Variants in ZNF569 observed in about 807,000 individuals in gnomAD.
ZNF569 encodes DNA-binding protein.
ZNF569 carries 38 observed loss-of-function variants against 56.3 expected under a neutral mutation model. That is an observed-to-expected ratio of 0.68 (90% CI 0.52 to 0.88). The LOEUF is 0.88. Ranked by LOEUF, ZNF569 falls within the 40% of genes least tolerant of loss-of-function variation. The pLI is 0.00. For missense variants in ZNF569, 666 were observed against 809.2 expected, an observed-to-expected ratio of 0.82 and a Z score of 2.15; for synonymous variants, 241 against 262.9, an observed-to-expected ratio of 0.92 and a Z score of 0.81.
chr19:37,415,714 CAA>C (rs34061624), intron 5 of ZNF569, among the ~76,000 whole-genome samples: 29,786 of 125,754 alleles, frequency 0.24, 3,263 homozygotes, highest in South Asian at 0.36. Flanking sequence ...ACTAAAAATA[CAA>C]AAAAAAAAAA....
intron 2 of ZNF569, among the ~76,000 whole-genome samples, chr19:37,452,350 A>G (rs2146958622): frequency 6.6e-6 from 1 of 152,332 alleles, no homozygotes; most frequent in African/African-American, 2.4e-5. Context: ...CCATTATGGT[A>G]ATGCAGTATT....
intron 5 of ZNF569, 140 bp downstream of exon 5, chr19:37,425,728 G>A (rs2041119952): frequency 7.5e-6 from 5 of 669,074 alleles, no homozygotes; most frequent in African/African-American, 1.8e-5. Context: ...GCTTCCCAAA[G>A]TGCTGGGACT....
At chr19:37,460,666 G>A (rs981640856) in intron 2 of ZNF569, among the ~76,000 whole-genome samples, 1 of 151,878 alleles carries the variant, frequency 6.6e-6, no homozygotes, top group African/African-American at 2.4e-5. Flanking sequence ...TGAGGCAGAA[G>A]TTTGCTTGAA....
chr19:37,435,057 G>A (rs959176741), intron 3 of ZNF569, among the ~76,000 whole-genome samples: 1 of 152,070 alleles, frequency 6.6e-6, no homozygotes, highest in African/African-American at 2.4e-5. Context: ...CCTGGGAGGC[G>A]GAGGTTGCAG....
intron 2 of ZNF569, among the ~76,000 whole-genome samples, chr19:37,452,324 A>C (rs1481531978): frequency 1.3e-5 from 2 of 152,324 alleles, no homozygotes; most frequent in East Asian, 3.9e-4. Flanking sequence ...TAGAATTAAA[A>C]GTTATTTACC....
intron 5 of ZNF569, 141 bp from the exon 6 acceptor site, chr19:37,414,560 C>T: frequency 1.5e-6 from 2 of 1,308,238 alleles, no homozygotes; most frequent in East Asian, 5.5e-5. Flanking sequence ...TTTTCAACTG[C>T]ATATATCTCT....
rs763479417 is a variant in ZNF569 at position 37,459,030 on chromosome 19, T to C, written c.-44+6283A>G. Among the ~76,000 whole-genome samples the C allele has an allele frequency of 7.2e-5, 11 of 152,120 alleles. 1 individual carries two copies. Among genetic ancestry groups the C allele is most frequent in the Middle Eastern group, 6.8e-3 (2 of 294 alleles). ...AAAACAAAAGAGAACATCCAAACCA[T>C]GGGAGAACATCCAAACCATGGGACA... On this transcript the variant is annotated intron_variant, in intron 2 of 5. Coordinates refer to ENST00000316950, the MANE Select transcript of ZNF569 (RefSeq NM_152484.3).
intron 2 of ZNF569, chr19:37,454,778 G>A: frequency 1.4e-6 from 1 of 695,616 alleles, no homozygotes. Context: ...ACTTTCATTA[G>A]CTGACATTCA....
At position 37,413,760 on chromosome 19, in the gene ZNF569, A is replaced by G; in HGVS notation, c.898T>C (p.Cys300Arg). 1 of 1,613,672 alleles carries G rather than the reference A, an allele frequency of 6.2e-7. No homozygotes were observed. The highest frequency in any genetic ancestry group is 1.1e-5 in the South Asian group (1 of 91,048). Residue 300 changes from cysteine to arginine, a missense_variant, in exon 6 of 6, where the codon TGT becomes CGT. Cys to Arg is a radical substitution (Grantham distance 180). Transcript: ENST00000316950. ...KIHTGEKPYE[C>R]NECGKAFSQK... ...CTGAATGCTTTTCCACACTCATTAC[A>G]TTCATAAGGTTTCTCTCCAGTATGA...
chr19:37,417,971 C>T (rs113622789), intron 5 of ZNF569, among the ~76,000 whole-genome samples: 1 of 151,798 alleles, frequency 6.6e-6, no homozygotes, highest in East Asian at 1.9e-4. Context: ...CATGGTGGCA[C>T]GTGCCTGTAG....
chr19:37,438,938 A>G (rs2041357769), intron 3 of ZNF569, among the ~76,000 whole-genome samples: 1 of 150,966 alleles, frequency 6.6e-6, no homozygotes, highest in Non-Finnish European at 1.5e-5. Flanking sequence ...AAAAAGGGGG[A>G]AAGATCTGAA....
In ZNF569 at chr19:37,460,535, T is replaced by TA. The variant is rs531574561; in HGVS notation, c.-44+4777dup. On this transcript the variant is annotated intron_variant, in intron 2 of 5. Transcript: ENST00000316950. ...AGAAGACAGATTGTCAGAGTGCATTTAAAAAAAAAAAAACAACTATATATG... is the reference window on the plus strand; with the variant it reads ...AGAAGACAGATTGTCAGAGTGCATTTAAAAAAAAAAAAAACAACTATATATG... Among the ~76,000 whole-genome samples, 1,349 of 141,838 alleles carry TA rather than the reference T, an allele frequency of 9.5e-3. 5 individuals are homozygous for TA. The highest frequency in any genetic ancestry group is 0.016 in the Admixed American group (226 of 14,216). 93.1% of individuals were successfully genotyped at this position (141,838 alleles called of 152,430 possible). A position where few individuals can be genotyped will look rare whatever the true frequency, so the allele number is the denominator to read the frequency against.
chr19:37,425,928 A>G lies in ZNF569; in HGVS notation c.178T>C (p.Leu60=). 6.2e-7 allele frequency: 1 copy of G among 1,613,960 alleles called. No homozygotes were observed. Among genetic ancestry groups the G allele is most frequent in the Non-Finnish European group, 8.5e-7 (1 of 1,179,944 alleles). The change falls in exon 5 of 6, where the codon TTG becomes CTG. Residue 60 remains leucine, a synonymous_variant. Coordinates refer to ENST00000316950, the MANE Select transcript of ZNF569 (RefSeq NM_152484.3). ...PFTKPDVIFK[L]EQEEEPWVME... ...ACCCATGGTTCTTCTTCTTGCTCCA[A>G]TTTGAAAATCACATCAGGTTTGGTG...
chr19:37,451,523 A>T (rs2041593593), intron 2 of ZNF569, among the ~76,000 whole-genome samples: 1 of 152,100 alleles, frequency 6.6e-6, no homozygotes, highest in South Asian at 2.1e-4. Flanking sequence ...AATGGACAGA[A>T]AGTGGGGTAT....
At chr19:37,446,546 T>C (rs1475141469) in intron 2 of ZNF569, among the ~76,000 whole-genome samples, 1 of 81,504 alleles carries the variant, frequency 1.2e-5, no homozygotes, top group Admixed American at 1.6e-4. Flanking sequence ...CGCGACTCCA[T>C]CTCAAAAAAA....
chr19:37,431,207 C>T (rs2041220154), intron 3 of ZNF569, among the ~76,000 whole-genome samples: 1 of 152,264 alleles, frequency 6.6e-6, no homozygotes, highest in East Asian at 1.9e-4. Context: ...CAGTGAGACA[C>T]CAGCCAGGGT....
chr19:37,443,450 T>C (rs903580408), intron 3 of ZNF569, among the ~76,000 whole-genome samples: 1 of 152,164 alleles, frequency 6.6e-6, no homozygotes, highest in African/African-American at 2.4e-5. Context: ...TCTGAGAGTG[T>C]AGGATAAATC....
chr19:37,436,885 T>C (rs1243778693), intron 3 of ZNF569, among the ~76,000 whole-genome samples: 2 of 151,974 alleles, frequency 1.3e-5, no homozygotes, highest in African/African-American at 2.4e-5. Context: ...TGAATTTTAC[T>C]GAACAATTAA....
intron 3 of ZNF569, among the ~76,000 whole-genome samples, chr19:37,435,668 T>A (rs1042223477): frequency 2.6e-5 from 4 of 152,050 alleles, no homozygotes; most frequent in Non-Finnish European, 5.9e-5. Context: ...AAAAATATAT[T>A]CATGCAAATG....
Sources: allele counts gnomAD v4.1 joint callset (sites outside exome capture counted in the v4.1 genomes callset), GRCh38; gene constraint gnomAD v4.1.1; transcripts MANE v1.5; gene names NCBI Gene and HGNC (gene_info 2026-07-23, HGNC 2026-07-21).